The following SLC71A2 variants were observed in gnomAD, a reference collection of about 807,000 sequenced individuals.
SLC71A2 encodes the protein hippocampus abundant transcript-like 1.
the SLC71A2 span, among the ~76,000 whole-genome samples, chr9:94,386,600 C>T: frequency 6.6e-6 from 1 of 152,166 alleles, no homozygotes; most frequent in Non-Finnish European, 1.5e-5. Flanking sequence ...TCTCTCTCTT[C>T]CCTCCATTAC....
At chr9:94,444,873 T>TA in the SLC71A2 span, 1 of 1,172,524 alleles carries the variant, frequency 8.5e-7, no homozygotes, top group Non-Finnish European at 1.3e-6. Flanking sequence ...CCTGAAGGTG[T>TA]GCACCTGCAG....
At chr9:94,379,992 A>T in the SLC71A2 span, among the ~76,000 whole-genome samples, 118 of 152,264 alleles carry the variant, frequency 7.7e-4, no homozygotes, top group African/African-American at 2.6e-3. Flanking sequence ...TTTCAGCTGG[A>T]CGCGGTGGCT....
chr9:94,436,947 C>T, the SLC71A2 span, among the ~76,000 whole-genome samples: 1 of 152,064 alleles, frequency 6.6e-6, no homozygotes, highest in Non-Finnish European at 1.5e-5. Context: ...AATTTTGAAT[C>T]CAGTAGAGAA....
the SLC71A2 span, among the ~76,000 whole-genome samples, chr9:94,420,484 A>C: frequency 7.2e-5 from 11 of 152,304 alleles, no homozygotes; most frequent in South Asian, 6.2e-4. Context: ...GAGCACTGAA[A>C]TAGGTTTATA....
the SLC71A2 span, among the ~76,000 whole-genome samples, chr9:94,378,569 C>T: frequency 7.9e-5 from 12 of 152,002 alleles, no homozygotes; most frequent in African/African-American, 2.9e-4. Flanking sequence ...CGCCACTGCA[C>T]TCCACCCTGG....
At chr9:94,458,278 G>A in the SLC71A2 span, 1 of 1,574,212 alleles carries the variant, frequency 6.4e-7, no homozygotes, top group Non-Finnish European at 8.6e-7. Flanking sequence ...ATCTTGAGAT[G>A]CCTTTCTGAG....
the SLC71A2 span, among the ~76,000 whole-genome samples, chr9:94,385,928 G>A: frequency 6.6e-6 from 1 of 152,028 alleles, no homozygotes; most frequent in Non-Finnish European, 1.5e-5. Context: ...TTGCTGTGTT[G>A]CCCAGGCTGG....
At chr9:94,413,936 C>G in the SLC71A2 span, among the ~76,000 whole-genome samples, 1 of 152,154 alleles carries the variant, frequency 6.6e-6, no homozygotes, top group Non-Finnish European at 1.5e-5. Flanking sequence ...TTCTTATCCT[C>G]TCATATGCCT....
the SLC71A2 span, among the ~76,000 whole-genome samples, chr9:94,450,054 G>C: frequency 6.6e-6 from 1 of 152,162 alleles, no homozygotes; most frequent in Non-Finnish European, 1.5e-5. Context: ...TGGGGGATGG[G>C]AAGGTTAGGG....
the SLC71A2 span, among the ~76,000 whole-genome samples, chr9:94,450,430 A>C: frequency 6.6e-6 from 1 of 151,774 alleles, no homozygotes; most frequent in Admixed American, 6.6e-5. Context: ...TAATGTATAT[A>C]ATTTAATCCC....
the SLC71A2 span, among the ~76,000 whole-genome samples, chr9:94,420,477 C>T: frequency 6.6e-6 from 1 of 152,054 alleles, no homozygotes; most frequent in Non-Finnish European, 1.5e-5. Flanking sequence ...AATTCCAGAG[C>T]ACTGAAATAG....
At chr9:94,451,959 C>A in the SLC71A2 span, among the ~76,000 whole-genome samples, 1 of 152,252 alleles carries the variant, frequency 6.6e-6, no homozygotes, top group Non-Finnish European at 1.5e-5. Context: ...GTTCCCCATC[C>A]CAGGCCCCTG....
At chr9:94,374,948 C>T in the SLC71A2 span, 6 of 1,257,790 alleles carry the variant, frequency 4.8e-6, no homozygotes, top group Non-Finnish European at 4.0e-6. Context: ...GCGCGGGGCC[C>T]GGCTGCCTGA....
the SLC71A2 span, chr9:94,459,239 C>A: frequency 5.0e-6 from 8 of 1,613,546 alleles, no homozygotes; most frequent in Non-Finnish European, 6.8e-6. Flanking sequence ...CTTATTCATT[C>A]CTGAATACAG....
the SLC71A2 span, among the ~76,000 whole-genome samples, chr9:94,449,327 A>G: frequency 6.6e-6 from 1 of 152,232 alleles, no homozygotes; most frequent in Non-Finnish European, 1.5e-5. Flanking sequence ...AAGATCATAT[A>G]TTTGATAAAT....
At chr9:94,452,688 TATATATTC>T in the SLC71A2 span, among the ~76,000 whole-genome samples, 63 of 123,482 alleles carry the variant, frequency 5.1e-4, no homozygotes, top group Non-Finnish European at 1.0e-3. Flanking sequence ...CATATATTCA[TATATATTC>T]ATATATTCAT....
chr9:94,410,319 C>T, the SLC71A2 span, among the ~76,000 whole-genome samples: 4 of 152,062 alleles, frequency 2.6e-5, no homozygotes. Context: ...TGGTCTTGAA[C>T]TCCTAGCCTC....
At chr9:94,446,893 C>G in the SLC71A2 span, 2 of 1,612,264 alleles carry the variant, frequency 1.2e-6, no homozygotes, top group Non-Finnish European at 1.7e-6. Context: ...TCATACCTTC[C>G]TGAAGCTGGA....
At chr9:94,435,917 C>T in the SLC71A2 span, among the ~76,000 whole-genome samples, 51 of 152,316 alleles carry the variant, frequency 3.3e-4, no homozygotes, top group African/African-American at 1.0e-3. Flanking sequence ...TCCCAGAGTG[C>T]TGGGATTACA....
Sources: gnomAD v4.1 joint callset for allele counts (sites outside exome capture counted in the v4.1 genomes callset) on GRCh38, gnomAD v4.1.1 for gene constraint, MANE v1.5 for transcripts, NCBI Gene and HGNC (gene_info 2026-07-23, HGNC 2026-07-21) for gene names.